CUX2: variants seen among roughly 807,000 people sequenced by gnomAD.
CUX2 encodes the protein cut like homeobox 2.
Under a neutral mutation model 144.8 loss-of-function variants are expected in CUX2, and 40 were observed. The observed-to-expected ratio is 0.28, with a 90% CI of 0.21 to 0.36. The LOEUF is 0.36. CUX2 is among the 10% of genes least tolerant of loss of function. CUX2 has a pLI of 1.00. For synonymous variants in CUX2, 827 were observed against 875.6 expected (o/e 0.94, Z 0.98); for missense variants, 1,615 against 1,994.0 (o/e 0.81, Z 3.62).
rs955371079 is a variant in CUX2, at chr12:111,312,563, G to A, written c.2002+362G>A. On this transcript the variant is annotated intron_variant, in intron 16 of 21. Coordinates refer to ENST00000261726, the MANE Select transcript of CUX2 (RefSeq NM_015267.4). This position sits in a 1 kb window ranked among gnomAD's most constrained non-coding sequence, Gnocchi z 4.3. ...TAAAAATACAAAATTACCTGGGCAT[G>A]GTGATATGTGCCTGTAATCCCAGCT... Among the ~76,000 whole-genome samples, 1 of 152,038 alleles carries A rather than the reference G, an allele frequency of 6.6e-6. No homozygotes were observed. The highest frequency in any genetic ancestry group is 1.5e-5 in the Non-Finnish European group (1 of 68,010).
intron 1 of CUX2, among the ~76,000 whole-genome samples, chr12:111,180,462 C>T (rs1052941581): frequency 2.0e-5 from 3 of 152,174 alleles, no homozygotes; most frequent in East Asian, 3.9e-4. Context: ...ATCCTTCAGC[C>T]GCCAGCTGTC....
Position 111,179,676 on chromosome 12 carries a change from G to A in CUX2, c.64-34524G>A, listed in dbSNP as rs552182527. 8.0e-5 allele frequency among the ~76,000 whole-genome samples: 12 copies of A among 150,794 alleles called. No homozygotes were observed. The East Asian group carries it at 2.1e-3, about 27-fold the overall frequency. On this transcript the variant is annotated intron_variant, in intron 1 of 21. Transcript: ENST00000261726. ...GACATGATTGGTCAGCAGGGGCCAT[G>A]GTTTTGTTTTTTTTTTTTGGTGTTG...
chr12:111,100,219 G>A, intron 1 of CUX2: 1 of 362,040 alleles, frequency 2.8e-6, no homozygotes, highest in Non-Finnish European at 5.5e-6. Flanking sequence ...GTGTGTGCTT[G>A]TGTCTGTGTG....
chr12:111,340,440 G>A (rs938510980), intron 20 of CUX2, among the ~76,000 whole-genome samples: 5 of 152,098 alleles, frequency 3.3e-5, no homozygotes, highest in East Asian at 1.9e-4. Context: ...TAGATGTGGC[G>A]GCTCATACCT....
intron 3 of CUX2, among the ~76,000 whole-genome samples, chr12:111,247,638 C>T (rs1360986686): frequency 1.3e-5 from 2 of 152,154 alleles, no homozygotes; most frequent in Non-Finnish European, 2.9e-5. Flanking sequence ...GCATGTAGAC[C>T]CTGGACAGCC....
chr12:111,297,204 G>A (rs566208444), intron 8 of CUX2, among the ~76,000 whole-genome samples: 2 of 148,590 alleles, frequency 1.3e-5, no homozygotes, highest in South Asian at 2.1e-4. Context: ...TCCCAAACAC[G>A]CCTCCTCCCT....
intron 9 of CUX2, among the ~76,000 whole-genome samples, chr12:111,303,810 G>C (rs934433651): frequency 1.3e-5 from 2 of 152,104 alleles, no homozygotes; most frequent in African/African-American, 4.8e-5. Flanking sequence ...AGACTAGCCA[G>C]GCCTGAAGTT....
intron 1 of CUX2, among the ~76,000 whole-genome samples, chr12:111,052,249 A>T (rs984879473): frequency 2.6e-5 from 4 of 152,080 alleles, no homozygotes; most frequent in Admixed American, 6.6e-5. Flanking sequence ...GTATGGCCCC[A>T]TGAGGCTGTG....
chr12:111,051,994 T>C (rs748355306), intron 1 of CUX2, among the ~76,000 whole-genome samples: 21 of 152,182 alleles, frequency 1.4e-4, no homozygotes, highest in Non-Finnish European at 1.3e-4. Context: ...ATGCCTTTCA[T>C]TCTTTTTTAA....
chr12:111,319,133 G>T (rs1243974839), intron 16 of CUX2, among the ~76,000 whole-genome samples: 1 of 151,052 alleles, frequency 6.6e-6, no homozygotes, highest in Non-Finnish European at 1.5e-5. Context: ...GGGCAATATG[G>T]CAAAACCCCG....
chr12:111,145,792 G>A (rs1373542257), intron 1 of CUX2, among the ~76,000 whole-genome samples: 10 of 152,074 alleles, frequency 6.6e-5, no homozygotes, highest in South Asian at 2.1e-4. Flanking sequence ...TCAGCCTCCC[G>A]AGTAGCTGGG....
intron 1 of CUX2, among the ~76,000 whole-genome samples, chr12:111,080,410 G>A (rs924906643): frequency 5.3e-5 from 8 of 152,004 alleles, no homozygotes; most frequent in Admixed American, 2.0e-4. Context: ...GGTGGCTCAC[G>A]CCTGTAATCT....
At position 111,150,521 on chromosome 12, in the gene CUX2, T is replaced by G. The variant is rs1192085634; in HGVS notation, c.64-63679T>G. On this transcript the variant is annotated intron_variant, in intron 1 of 21. Coordinates refer to ENST00000261726, the MANE Select transcript of CUX2 (RefSeq NM_015267.4). ...TTTCTCTCACTTTGGTTTTTCCCCCTTGGGCTTTTGGAGTGGGGGAAACAC... is the reference window on the plus strand; with the variant it reads ...TTTCTCTCACTTTGGTTTTTCCCCCGTGGGCTTTTGGAGTGGGGGAAACAC... Among the ~76,000 whole-genome samples the G allele has an allele frequency of 1.1e-4, 17 of 152,272 alleles. No homozygotes were observed. The East Asian group carries it at 3.1e-3, about 28-fold the overall frequency.
chr12:111,168,721 G>A (rs1312670228), intron 1 of CUX2, among the ~76,000 whole-genome samples: 7 of 152,154 alleles, frequency 4.6e-5, no homozygotes, highest in Admixed American at 1.3e-4. Flanking sequence ...GTTACTAATC[G>A]GAGAAGACTC....
chr12:111,116,263 A>G (rs1874301651), intron 1 of CUX2, among the ~76,000 whole-genome samples: 1 of 152,230 alleles, frequency 6.6e-6, no homozygotes, highest in African/African-American at 2.4e-5. Context: ...AGAGCATTGG[A>G]AAAACCAGTG....
rs140383660 is a variant in CUX2 at position 111,141,847 on chromosome 12, G to A, written c.64-72353G>A. Among the ~76,000 whole-genome samples the A allele has an allele frequency of 6.3e-3, 966 of 152,354 alleles. 7 individuals are homozygous for A. Among genetic ancestry groups the A allele is most frequent in the African/African-American group, 0.022 (899 of 41,582 alleles). On this transcript the variant is annotated intron_variant, in intron 1 of 21. Transcript: ENST00000261726. ...CGCCTATAATCCCAGCACTTTGGGA[G>A]GCTGAGGCAGGCAGATCACTTGAGG... is the stretch of plus-strand genomic sequence containing the variant.
At chr12:111,129,456 A>G (rs1011851631) in intron 1 of CUX2, among the ~76,000 whole-genome samples, 2 of 152,276 alleles carry the variant, frequency 1.3e-5, no homozygotes, top group Non-Finnish European at 2.9e-5. Flanking sequence ...GGCCTTTGCC[A>G]GATCAATAGC....
At chr12:111,111,225 C>T (rs1047680184) in intron 1 of CUX2, among the ~76,000 whole-genome samples, 1 of 152,100 alleles carries the variant, frequency 6.6e-6, no homozygotes, top group Non-Finnish European at 1.5e-5. Flanking sequence ...TCGCTTGAAC[C>T]CAGGAGGCGG....
intron 1 of CUX2, among the ~76,000 whole-genome samples, chr12:111,085,790 G>A (rs937932550): frequency 6.6e-6 from 1 of 152,174 alleles, no homozygotes; most frequent in African/African-American, 2.4e-5. Flanking sequence ...CTTTGAGTTT[G>A]GAATCTGTCT....
Sources: allele counts gnomAD v4.1 joint callset (sites outside exome capture counted in the v4.1 genomes callset), GRCh38; gene constraint gnomAD v4.1.1; non-coding constraint Gnocchi (gnomAD v3.1); transcripts MANE v1.5; gene names NCBI Gene and HGNC (gene_info 2026-07-23, HGNC 2026-07-21).